LRRC75A: variants seen among roughly 807,000 people sequenced by gnomAD.
LRRC75A encodes the protein leucine rich repeat containing 75A.
Under a neutral mutation model 26.0 loss-of-function variants are expected in LRRC75A, and 12 were observed. The observed-to-expected ratio is 0.46, with a 90% CI of 0.30 to 0.75. The LOEUF is 0.75. Among genes scored for constraint, LRRC75A ranks in the 30% least tolerant of loss-of-function variants. The pLI, the probability that LRRC75A is intolerant of heterozygous loss-of-function variation, is 0.08. For missense variants in LRRC75A, 410 were observed against 486.6 expected (o/e 0.84, Z 1.48); for synonymous variants, 223 against 219.3 (o/e 1.02, Z -0.15).
intron 1 of LRRC75A, among the ~76,000 whole-genome samples, chr17:16,489,442 T>C (rs375570743): frequency 6.6e-6 from 1 of 152,234 alleles, no homozygotes; most frequent in Non-Finnish European, 1.5e-5. Flanking sequence ...GTCTGACCCC[T>C]GTGAGGCTTG....
chr17:16,457,908 A>G (rs2093697717), intron 2 of LRRC75A, among the ~76,000 whole-genome samples: 1 of 152,176 alleles, frequency 6.6e-6, no homozygotes, highest in African/African-American at 2.4e-5. Flanking sequence ...TAGTAGTTCC[A>G]GGCTGCAGAA....
chr17:16,464,428 A>G (rs2093752435), intron 1 of LRRC75A, among the ~76,000 whole-genome samples: 1 of 152,182 alleles, frequency 6.6e-6, no homozygotes, highest in South Asian at 2.1e-4. Flanking sequence ...GCAACCTGAC[A>G]ATGCTAAGCC....
At chr17:16,456,642 CAG>C (rs1479168312) in intron 2 of LRRC75A, among the ~76,000 whole-genome samples, 3 of 152,132 alleles carry the variant, frequency 2.0e-5, no homozygotes, top group African/African-American at 7.2e-5. Context: ...AGAGGGAACA[CAG>C]AGGGAGGCAG....
Position 16,455,175 on chromosome 17 carries a change from C to T in LRRC75A, c.375+7083G>A, listed in dbSNP as rs189158787. Among the ~76,000 whole-genome samples the T allele has an allele frequency of 9.9e-5, 15 of 152,228 alleles. No individual in the cohort carries two copies. In the East Asian group the frequency reaches 2.5e-3, roughly 25 times the overall value. ...CTTGAACTCCTGACCTCAGACGATC[C>T]GCCTGCCTCGGCCTCCCAAAGTGCT... On this transcript the variant is annotated intron_variant, in intron 2 of 3. Coordinates refer to ENST00000470794, the MANE Select transcript of LRRC75A (RefSeq NM_001113567.3).
Position 16,442,994 on chromosome 17 carries a change from T to G in LRRC75A, c.*594A>C, listed in dbSNP as rs2093546184. 1 of 152,738 alleles carries G rather than the reference T, an allele frequency of 6.5e-6. No individual in the cohort carries two copies. Among genetic ancestry groups the G allele is most frequent in the Non-Finnish European group, 1.5e-5 (1 of 68,436 alleles). The allele number at this position is 152,738 out of a possible 1,614,324, so 9.5% of individuals were successfully genotyped here. On this transcript the variant is annotated 3_prime_UTR_variant, in exon 4 of 4. Coordinates refer to ENST00000470794, the MANE Select transcript of LRRC75A (RefSeq NM_001113567.3). The stretch of plus-strand genomic sequence containing the variant: ...AGCGATAGCTGGTCCTATGGGCAGA[T>G]GCCTAGAATCAAGGTGGGCCTCAGA...
rs1568990778 is a variant in LRRC75A at position 16,491,717 on chromosome 17, G to GC, written c.246+27dup. Reference sequence around the variant, plus strand: ...CCCAGCACGCCCCCTGGCCCGGCGCGCCCCCCGCGCCCCCTCCCCGCGCTC... The same window carrying GC: ...CCCAGCACGCCCCCTGGCCCGGCGCGCCCCCCCGCGCCCCCTCCCCGCGCTC... On this transcript the variant is annotated intron_variant, in intron 1 of 3. Transcript: ENST00000470794. This position sits in a 1 kb window ranked among gnomAD's most constrained non-coding sequence, Gnocchi z 5.9. 34 of 1,290,564 alleles carry GC rather than the reference G, an allele frequency of 2.6e-5. No homozygotes were observed. The highest frequency in any genetic ancestry group is 2.8e-5 in the Non-Finnish European group (29 of 1,019,644). The allele number at this position is 1,290,564 out of a possible 1,614,324, so 79.9% of individuals were successfully genotyped here. A position where few individuals can be genotyped will look rare whatever the true frequency, so the allele number is the denominator to read the frequency against.
intron 3 of LRRC75A, among the ~76,000 whole-genome samples, 185 bp downstream of exon 3, chr17:16,447,660 A>G (rs1330343824): frequency 1.3e-5 from 2 of 151,734 alleles, no homozygotes; most frequent in African/African-American, 4.8e-5. Flanking sequence ...CCTCCCACCC[A>G]CCAGACCAGG....
chr17:16,462,209 C>T lies in LRRC75A; in HGVS notation c.375+49G>A, dbSNP rs2093732688. The T allele has an allele frequency of 2.5e-6, 4 of 1,608,316 alleles. No homozygotes were observed. The highest frequency in any genetic ancestry group is 1.3e-5 in the African/African-American group (1 of 74,792). On this transcript the variant is annotated intron_variant, in intron 2 of 3. Transcript: ENST00000470794. The surrounding 1 kb of genome is among the most constrained non-coding windows in gnomAD (Gnocchi z 4.6). ...TACAGCTGCTCTGCCCAGAAAGGCA[C>T]CCACCGCACACCCCGGGACCTGGCT...
At position 16,460,063 on chromosome 17, in the gene LRRC75A, A is replaced by G. The variant is rs148222635; in HGVS notation, c.375+2195T>C. ...GGTATTTAGAGGTGGGGCCTTTGGGAGGTGATTAGGCCAGGGGGGTGGAGC... is the reference window on the plus strand; with the variant it reads ...GGTATTTAGAGGTGGGGCCTTTGGGGGGTGATTAGGCCAGGGGGGTGGAGC... On this transcript the variant is annotated intron_variant, in intron 2 of 3. Coordinates refer to ENST00000470794, the MANE Select transcript of LRRC75A (RefSeq NM_001113567.3). 2.7e-3 allele frequency among the ~76,000 whole-genome samples: 411 copies of G among 152,034 alleles called. 3 individuals carry two copies. Among genetic ancestry groups the G allele is most frequent in the African/African-American group, 7.5e-3 (311 of 41,476 alleles).
At chr17:16,460,334 C>T (rs561507070) in intron 2 of LRRC75A, among the ~76,000 whole-genome samples, 2 of 152,350 alleles carry the variant, frequency 1.3e-5, no homozygotes, top group South Asian at 4.1e-4. Flanking sequence ...CCCCTGGCCC[C>T]GCCTCTACCC....
At chr17:16,445,474 G>T (rs967241813) in intron 3 of LRRC75A, among the ~76,000 whole-genome samples, 1 of 151,890 alleles carries the variant, frequency 6.6e-6, no homozygotes, top group African/African-American at 2.4e-5. Flanking sequence ...CCCATTTTCC[G>T]CATTTCTAAG....
chr17:16,456,531 CAT>C (rs1234450146), intron 2 of LRRC75A, among the ~76,000 whole-genome samples: 1 of 152,124 alleles, frequency 6.6e-6, no homozygotes, highest in Non-Finnish European at 1.5e-5. Flanking sequence ...CTGAGACACA[CAT>C]ACCCTAACTC....
At chr17:16,467,652 C>T (rs145811669) in intron 1 of LRRC75A, among the ~76,000 whole-genome samples, 150 of 152,356 alleles carry the variant, frequency 9.8e-4, no homozygotes, top group African/African-American at 3.5e-3. Flanking sequence ...TACCCTCTGA[C>T]TTTCAGTCCT....
In LRRC75A at chr17:16,460,430, C is replaced by G. The variant is rs188232878; in HGVS notation, c.375+1828G>C. ...CCTGTCTCACAGGGTCTCACAGTGG[C>G]CCTTACCCACTCCCTGGCCTGCCTC... On this transcript the variant is annotated intron_variant, in intron 2 of 3. Transcript: ENST00000470794. Among the ~76,000 whole-genome samples the G allele has an allele frequency of 2.0e-5, 3 of 152,272 alleles. No individual in the cohort carries two copies. The East Asian group carries it at 5.8e-4, about 29-fold the overall frequency.
At chr17:16,444,751 GATGGCA>G (rs757394069) in intron 3 of LRRC75A, among the ~76,000 whole-genome samples, 8 of 151,932 alleles carry the variant, frequency 5.3e-5, no homozygotes, top group Non-Finnish European at 8.8e-5. Flanking sequence ...AGTTCAAGCT[GATGGCA>G]AGTGTGCCCT....
intron 2 of LRRC75A, among the ~76,000 whole-genome samples, chr17:16,450,064 AGGCCTGG>A (rs1426105333): frequency 1.0e-5 from 1 of 96,290 alleles, no homozygotes; most frequent in Non-Finnish European, 2.9e-5. Flanking sequence ...GGGCAGGTGA[AGGCCTGG>A]GGCCTGATCA....
At chr17:16,464,123 T>C (rs1421350981) in intron 1 of LRRC75A, 2 of 152,126 alleles carry the variant, frequency 1.3e-5, no homozygotes, top group Admixed American at 6.5e-5. Context: ...AACGCCTCAG[T>C]GAGGACACAA....
Position 16,491,685 on chromosome 17 carries a change from C to CG in LRRC75A, c.246+59_246+60insC. ...TTCCTCGGTTAGGGATGGGGCGCCC[C>CG]CCCCGGCCCAGCACGCCCCCTGGCC... On this transcript the variant is annotated intron_variant, in intron 1 of 3. Coordinates refer to ENST00000470794, the MANE Select transcript of LRRC75A (RefSeq NM_001113567.3). The surrounding 1 kb of genome is among the most constrained non-coding windows in gnomAD (Gnocchi z 5.9). 1 of 1,197,062 alleles carries CG rather than the reference C, an allele frequency of 8.4e-7. No individual in the cohort carries two copies. 74.2% of individuals were successfully genotyped at this position (1,197,062 alleles called of 1,614,324 possible).
chr17:16,444,366 C>T (rs73978888), intron 3 of LRRC75A, among the ~76,000 whole-genome samples: 1,799 of 152,338 alleles, frequency 0.012, 34 homozygotes, highest in African/African-American at 0.041. Flanking sequence ...TATGTGGCTG[C>T]CCCTATTTAC....
Sources: allele counts gnomAD v4.1 joint callset (sites outside exome capture counted in the v4.1 genomes callset), GRCh38; gene constraint gnomAD v4.1.1; non-coding constraint Gnocchi (gnomAD v3.1); transcripts MANE v1.5; gene names NCBI Gene and HGNC (gene_info 2026-07-23, HGNC 2026-07-21).